The following FHIT variants were observed in gnomAD, a reference collection of about 807,000 sequenced individuals.
FHIT encodes the protein bis(5'-adenosyl)-triphosphatase.
Under a neutral mutation model 17.9 loss-of-function variants are expected in FHIT, and 19 were observed. That is an observed-to-expected ratio of 1.06 (90% CI 0.74 to 1.56). The LOEUF is 1.56. Among genes scored for constraint, FHIT ranks in the 40% most tolerant of loss-of-function variants. The pLI, the probability that FHIT is intolerant of heterozygous loss-of-function variation, is 0.00. For missense variants in FHIT, 248 were observed against 189.2 expected (o/e 1.31, Z -1.82); for synonymous variants, 81 against 69.7 (o/e 1.16, Z -0.81).
chr3:59,966,624 A>G (rs1276605313), intron 7 of FHIT, among the ~76,000 whole-genome samples: 1 of 152,210 alleles, frequency 6.6e-6, no homozygotes, highest in African/African-American at 2.4e-5. Flanking sequence ...AATGATAAGT[A>G]TTCATGTATC....
intron 5 of FHIT, among the ~76,000 whole-genome samples, chr3:60,463,520 G>T (rs532899521): frequency 1.3e-5 from 2 of 152,018 alleles, no homozygotes; most frequent in Non-Finnish European, 2.9e-5. Context: ...CCTCTCCCCC[G>T]CCATCCTTTC....
At position 60,669,508 on chromosome 3, in the gene FHIT, A is replaced by G. The variant is rs184534040; in HGVS notation, c.-17-132529T>C. Among the ~76,000 whole-genome samples, 3 of 152,322 alleles carry G rather than the reference A, an allele frequency of 2.0e-5. No homozygotes were observed. The East Asian group carries it at 5.8e-4, about 29-fold the overall frequency. ...ACCTTGAACACACAAACACACACAT[A>G]TATACACACTAACATACACATACAT... On this transcript the variant is annotated intron_variant, in intron 4 of 9. Coordinates refer to ENST00000492590, the MANE Select transcript of FHIT (RefSeq NM_002012.4).
At position 60,188,055 on chromosome 3, in the gene FHIT, T is replaced by C. The variant is rs9816031; in HGVS notation, c.104-173903A>G. 4.0e-3 allele frequency among the ~76,000 whole-genome samples: 612 copies of C among 152,210 alleles called. 3 individuals carry two copies. The highest frequency in any genetic ancestry group is 0.01 in the Middle Eastern group (3 of 292). ...TGCACCTGTATTACACAGAGCATCA[T>C]AGATTCCAAGCACATTTTCCATAAC... On this transcript the variant is annotated intron_variant, in intron 5 of 9. Coordinates refer to ENST00000492590, the MANE Select transcript of FHIT (RefSeq NM_002012.4).
At chr3:61,097,908 A>G (rs1181467216) in intron 2 of FHIT, among the ~76,000 whole-genome samples, 1 of 151,606 alleles carries the variant, frequency 6.6e-6, no homozygotes, top group African/African-American at 2.4e-5. Context: ...TTGTCTATTC[A>G]CTCTGTTGGT....
intron 4 of FHIT, among the ~76,000 whole-genome samples, chr3:60,807,489 T>C (rs1701436629): frequency 6.6e-6 from 1 of 151,928 alleles, no homozygotes; most frequent in African/African-American, 2.4e-5. Flanking sequence ...CTTATGAAGC[T>C]GAGGTGGGAG....
chr3:60,499,626 G>A (rs564158948), intron 5 of FHIT, among the ~76,000 whole-genome samples: 12 of 152,054 alleles, frequency 7.9e-5, no homozygotes, highest in Non-Finnish European at 1.6e-4. Flanking sequence ...TGATCCGCCC[G>A]CCTCGGCCTC....
intron 3 of FHIT, among the ~76,000 whole-genome samples, chr3:61,000,842 CA>C: frequency 6.6e-6 from 1 of 152,256 alleles, no homozygotes; most frequent in South Asian, 2.1e-4. Flanking sequence ...GGGGAAGCCC[CA>C]GCCCCAGCCC....
intron 3 of FHIT, among the ~76,000 whole-genome samples, chr3:61,024,547 G>A (rs2032630650): frequency 6.6e-6 from 1 of 151,982 alleles, no homozygotes; most frequent in Middle Eastern, 3.4e-3. Flanking sequence ...ATAATTATAG[G>A]TTTATTGTTA....
chr3:60,049,556 T>C (rs1165498599), intron 5 of FHIT, among the ~76,000 whole-genome samples: 1 of 152,104 alleles, frequency 6.6e-6, no homozygotes, highest in Non-Finnish European at 1.5e-5. Context: ...AAAATACACA[T>C]CAGATACTGA....
At chr3:61,187,091 A>C (rs2107190949) in intron 2 of FHIT, among the ~76,000 whole-genome samples, 1 of 152,316 alleles carries the variant, frequency 6.6e-6, no homozygotes, top group East Asian at 1.9e-4. Flanking sequence ...TTCCTAGCAT[A>C]TTACAGAAGA....
chr3:60,655,834 T>C (rs1457936192), intron 4 of FHIT, among the ~76,000 whole-genome samples: 13 of 152,188 alleles, frequency 8.5e-5, no homozygotes, highest in African/African-American at 3.1e-4. Context: ...TATATTTGGA[T>C]GCACAGCTAG....
At chr3:59,922,146 G>A (rs1246012989) in intron 8 of FHIT, among the ~76,000 whole-genome samples, 200 bp downstream of exon 8, 1 of 152,140 alleles carries the variant, frequency 6.6e-6, no homozygotes, top group South Asian at 2.1e-4. Context: ...ATTTGAAAAA[G>A]AAAATCATTA....
At chr3:61,012,415 G>T (rs960160301) in intron 3 of FHIT, among the ~76,000 whole-genome samples, 2 of 151,980 alleles carry the variant, frequency 1.3e-5, no homozygotes, top group Non-Finnish European at 2.9e-5. Flanking sequence ...AATTTGATGA[G>T]AAATTACTAT....
intron 2 of FHIT, among the ~76,000 whole-genome samples, chr3:61,056,645 A>G (rs12108196): frequency 0.16 from 24,611 of 152,130 alleles, 2,596 homozygotes; most frequent in African/African-American, 0.3. Flanking sequence ...TGCATTCCCA[A>G]CAGAGAACAG....
At chr3:60,517,693 A>G (rs2035212474) in intron 5 of FHIT, among the ~76,000 whole-genome samples, 1 of 152,246 alleles carries the variant, frequency 6.6e-6, no homozygotes, top group Admixed American at 6.5e-5. Flanking sequence ...CATATTGAAT[A>G]TAGTACATTT....
intron 3 of FHIT, among the ~76,000 whole-genome samples, chr3:60,979,358 C>T (rs1559883242): frequency 6.6e-6 from 1 of 152,190 alleles, no homozygotes; most frequent in African/African-American, 2.4e-5. Flanking sequence ...AAAGAAAAAA[C>T]AGTTAATGCC....
intron 7 of FHIT, among the ~76,000 whole-genome samples, chr3:59,922,791 G>A (rs760284942): frequency 6.6e-6 from 1 of 152,196 alleles, no homozygotes; most frequent in Non-Finnish European, 1.5e-5. Flanking sequence ...ACAGAGAACT[G>A]CATAAGTAAA....
chr3:60,061,562 T>C (rs1220733449), intron 5 of FHIT, among the ~76,000 whole-genome samples: 2 of 152,236 alleles, frequency 1.3e-5, no homozygotes, highest in Non-Finnish European at 2.9e-5. Flanking sequence ...TGAGTAATTA[T>C]AGCAAATAAA....
chr3:60,278,753 G>A (rs1190317391), intron 5 of FHIT, among the ~76,000 whole-genome samples: 1 of 151,654 alleles, frequency 6.6e-6, no homozygotes, highest in Non-Finnish European at 1.5e-5. Context: ...CATCACTCGA[G>A]GTATTATTTC....
Sources: allele counts gnomAD v4.1 joint callset (sites outside exome capture counted in the v4.1 genomes callset), GRCh38; gene constraint gnomAD v4.1.1; transcripts MANE v1.5; gene names NCBI Gene and HGNC (gene_info 2026-07-23, HGNC 2026-07-21).